The following UBXN7 variants were observed in gnomAD, a reference collection of about 807,000 sequenced individuals.
UBXN7 encodes UBX domain-containing protein 7.
UBXN7 carries 9 observed loss-of-function variants against 58.0 expected under a neutral mutation model. The observed-to-expected ratio is 0.16, with a 90% CI of 0.09 to 0.27. UBXN7 has a LOEUF of 0.27. Ranked by LOEUF, UBXN7 falls within the 10% of genes least tolerant of loss-of-function variation. UBXN7 has a pLI of 1.00. For synonymous variants in UBXN7, 208 were observed against 205.0 expected (o/e 1.01, Z -0.12); for missense variants, 328 against 599.6 (o/e 0.55, Z 4.73).
chr3:196,419,785 A>C (rs1730623592), intron 1 of UBXN7, among the ~76,000 whole-genome samples: 1 of 152,172 alleles, frequency 6.6e-6, no homozygotes, highest in African/African-American at 2.4e-5. Context: ...TCGAACCTTC[A>C]TTTCAGACTT....
intron 5 of UBXN7, among the ~76,000 whole-genome samples, chr3:196,376,460 C>T (rs1180911364): frequency 7.0e-6 from 1 of 143,174 alleles, no homozygotes; most frequent in Non-Finnish European, 1.5e-5. Flanking sequence ...ACAGGAGAAT[C>T]GCTTGAACCC....
At chr3:196,413,891 C>A (rs577333443) in intron 1 of UBXN7, among the ~76,000 whole-genome samples, 24 of 152,258 alleles carry the variant, frequency 1.6e-4, no homozygotes, top group Non-Finnish European at 2.6e-4. Context: ...GCACCTAATA[C>A]AATGTAAATG....
intron 5 of UBXN7, among the ~76,000 whole-genome samples, chr3:196,374,883 G>A (rs1398514448): frequency 5.2e-5 from 1 of 19,170 alleles, no homozygotes; most frequent in East Asian, 2.0e-3. Context: ...GGAGGGGAGG[G>A]GAGGGGGAGG....
At chr3:196,418,130 G>A (rs981810291) in intron 1 of UBXN7, among the ~76,000 whole-genome samples, 1 of 151,924 alleles carries the variant, frequency 6.6e-6, no homozygotes, top group African/African-American at 2.4e-5. Flanking sequence ...CCAGCTACTC[G>A]GGAGGCTGGG....
chr3:196,372,067 G>A (rs1466442592), intron 5 of UBXN7, 25 bp from the exon 6 acceptor site: 2 of 1,563,432 alleles, frequency 1.3e-6, no homozygotes, highest in East Asian at 4.6e-5. Flanking sequence ...TTACACATTT[G>A]TTAGAAATAA....
intron 1 of UBXN7, among the ~76,000 whole-genome samples, chr3:196,414,951 A>G (rs1236870927): frequency 6.6e-6 from 1 of 152,182 alleles, no homozygotes; most frequent in Non-Finnish European, 1.5e-5. Flanking sequence ...TTTTTGAAGG[A>G]AAGGAAAAGT....
chr3:196,411,664 A>G (rs898204671), intron 1 of UBXN7, among the ~76,000 whole-genome samples: 3 of 152,194 alleles, frequency 2.0e-5, no homozygotes, highest in Non-Finnish European at 4.4e-5. Context: ...TATGAAAATT[A>G]GCCGGACGTG....
Position 196,356,543 on chromosome 3 carries a change from G to T in UBXN7, c.*142C>A. ...GGAGAAAGAGACTGATTATAGGAGA[G>T]ATCAAGAAATAAGAGAAGGAAGGTG... On this transcript the variant is annotated 3_prime_UTR_variant, in exon 11 of 11. Transcript: ENST00000296328. The T allele has an allele frequency of 1.2e-6, 1 of 852,772 alleles. No individual in the cohort carries two copies. The highest frequency in any genetic ancestry group is 1.9e-5 in the South Asian group (1 of 52,896). The allele number at this position is 852,772 out of a possible 1,614,324, so 52.8% of individuals were successfully genotyped here.
In UBXN7 at chr3:196,432,405, C is replaced by A. The variant is rs1381408618; in HGVS notation, c.-6G>T. On this transcript the variant is annotated 5_prime_UTR_variant, in exon 1 of 11. Coordinates refer to ENST00000296328, the MANE Select transcript of UBXN7 (RefSeq NM_015562.2). ...GAGCCCCCGTGGGCAGCCATCTTAC[C>A]GCCGCCGCCGCCGCCGAACAACAAC... 1 of 1,560,474 alleles carries A rather than the reference C, an allele frequency of 6.4e-7. No individual in the cohort carries two copies. The highest frequency in any genetic ancestry group is 1.4e-5 in the African/African-American group (1 of 73,674).
At chr3:196,387,674 G>A (rs774772434) in intron 5 of UBXN7, among the ~76,000 whole-genome samples, 31 of 152,048 alleles carry the variant, frequency 2.0e-4, no homozygotes, top group Non-Finnish European at 3.7e-4. Context: ...TCTATGCAGC[G>A]AACAGACACA....
At chr3:196,427,223 G>A (rs892226354) in intron 1 of UBXN7, among the ~76,000 whole-genome samples, 2 of 152,126 alleles carry the variant, frequency 1.3e-5, no homozygotes, top group African/African-American at 4.8e-5. Context: ...CCCAAAGTTG[G>A]TGCTAATGGA....
intron 5 of UBXN7, among the ~76,000 whole-genome samples, chr3:196,385,877 G>A (rs933127381): frequency 6.6e-6 from 1 of 152,196 alleles, no homozygotes; most frequent in Non-Finnish European, 1.5e-5. Flanking sequence ...TCTGGGAGGT[G>A]TACCCAATAG....
intron 3 of UBXN7, among the ~76,000 whole-genome samples, 178 bp downstream of exon 3, chr3:196,402,774 A>C (rs1490214060): frequency 6.6e-6 from 1 of 152,206 alleles, no homozygotes; most frequent in African/African-American, 2.4e-5. Context: ...TCAATTTTTA[A>C]CATCTGCTTC....
At chr3:196,392,213 T>C (rs1271727356) in intron 4 of UBXN7, among the ~76,000 whole-genome samples, 1 of 151,982 alleles carries the variant, frequency 6.6e-6, no homozygotes, top group Non-Finnish European at 1.5e-5. Flanking sequence ...AACTGTAACA[T>C]GGGAGAGGCT....
At chr3:196,403,075 G>C in intron 2 of UBXN7, 56 bp from the exon 3 acceptor site, 1 of 1,496,668 alleles carries the variant, frequency 6.7e-7, no homozygotes, top group South Asian at 1.2e-5. Flanking sequence ...CTACCTGTTT[G>C]CTTTCTGTAA....
At chr3:196,374,560 AAAC>A (rs1728937075) in intron 5 of UBXN7, among the ~76,000 whole-genome samples, 1 of 151,908 alleles carries the variant, frequency 6.6e-6, no homozygotes. Context: ...TTTTCAAACA[AAAC>A]AACAATATTG....
At chr3:196,424,754 G>A (rs1204569150) in intron 1 of UBXN7, among the ~76,000 whole-genome samples, 1 of 144,998 alleles carries the variant, frequency 6.9e-6, no homozygotes, top group Non-Finnish European at 1.5e-5. Context: ...CCAGGCTGGA[G>A]TGCAATGGCG....
At chr3:196,405,186 A>C (rs942826038) in intron 2 of UBXN7, among the ~76,000 whole-genome samples, 9 of 152,046 alleles carry the variant, frequency 5.9e-5, no homozygotes, top group African/African-American at 2.2e-4. Flanking sequence ...TATCTTAAGA[A>C]AACTGGTGCA....
At chr3:196,402,370 G>C (rs1560236155) in intron 3 of UBXN7, among the ~76,000 whole-genome samples, 2 of 152,124 alleles carry the variant, frequency 1.3e-5, no homozygotes, top group Non-Finnish European at 2.9e-5. Context: ...ACAGTTTTCT[G>C]TCTTGGTCTG....
Sources: gnomAD v4.1 joint callset for allele counts (sites outside exome capture counted in the v4.1 genomes callset) on GRCh38, gnomAD v4.1.1 for gene constraint, MANE v1.5 for transcripts, NCBI Gene and HGNC (gene_info 2026-07-23, HGNC 2026-07-21) for gene names.